ITPR2: variants seen among roughly 807,000 people sequenced by gnomAD.
The protein encoded by ITPR2 is inositol 1,4,5-trisphosphate-gated calcium channel ITPR2.
ITPR2 carries 207 observed loss-of-function variants against 317.1 expected under a neutral mutation model. That is an observed-to-expected ratio of 0.65 (90% CI 0.58 to 0.73). ITPR2 has a LOEUF of 0.73. Among genes scored for constraint, ITPR2 ranks in the 30% least tolerant of loss-of-function variants. The pLI, the probability that ITPR2 is intolerant of heterozygous loss-of-function variation, is 0.00. For missense variants in ITPR2, 2,613 were observed against 3,284.0 expected, an observed-to-expected ratio of 0.80 and a Z score of 4.99; for synonymous variants, 1,156 against 1,149.1, an observed-to-expected ratio of 1.01 and a Z score of -0.12.
chr12:26,383,460 A>G (rs1003749480), intron 55 of ITPR2, among the ~76,000 whole-genome samples: 1 of 150,492 alleles, frequency 6.6e-6, no homozygotes, highest in Non-Finnish European at 1.5e-5. Context: ...AACTTATTCT[A>G]TGTTTTTTTG....
At chr12:26,346,987 A>G (rs184217005) in intron 55 of ITPR2, among the ~76,000 whole-genome samples, 1 of 152,288 alleles carries the variant, frequency 6.6e-6, no homozygotes, top group East Asian at 1.9e-4. Context: ...TTTGGCTAGA[A>G]GCAGCCTCAA....
intron 49 of ITPR2, among the ~76,000 whole-genome samples, chr12:26,422,839 ATT>A (rs1312247382): frequency 6.6e-6 from 1 of 152,226 alleles, no homozygotes; most frequent in African/African-American, 2.4e-5. Flanking sequence ...GTAAAATGGA[ATT>A]TGTGATTTTC....
At chr12:26,393,712 T>C (rs1939914207) in intron 54 of ITPR2, among the ~76,000 whole-genome samples, 1 of 152,242 alleles carries the variant, frequency 6.6e-6, no homozygotes, top group South Asian at 2.1e-4. Flanking sequence ...AACATGAAGC[T>C]TCTAGAAAAC....
chr12:26,612,748 A>C (rs17476919), intron 26 of ITPR2, among the ~76,000 whole-genome samples: 20,547 of 152,272 alleles, frequency 0.13, 1,883 homozygotes, highest in Admixed American at 0.19. Context: ...CTTCTGAAGC[A>C]TTCCGGATTC....
rs369692913 is a variant in ITPR2, at chr12:26,600,127, G to A, written c.3679-18C>T. 144 of 1,594,628 alleles carry A rather than the reference G, an allele frequency of 9.0e-5. No homozygotes were observed. Among genetic ancestry groups the A allele is most frequent in the Non-Finnish European group, 8.8e-5 (103 of 1,167,264 alleles). ...TCATCATTCTGTAAGTTAAAGAATA[G>A]CACATGATAGAAACAAACATAGGAG... On this transcript the variant is annotated intron_variant, in intron 28 of 56. Coordinates refer to ENST00000381340, the MANE Select transcript of ITPR2 (RefSeq NM_002223.4).
intron 1 of ITPR2, among the ~76,000 whole-genome samples, chr12:26,818,255 A>C (rs1313369872): frequency 1.3e-5 from 2 of 152,202 alleles, no homozygotes; most frequent in Non-Finnish European, 2.9e-5. Context: ...GCCTCTCAGA[A>C]CTCCTATGCG....
chr12:26,606,998 T>G (rs1385164022), intron 26 of ITPR2, among the ~76,000 whole-genome samples: 1 of 152,184 alleles, frequency 6.6e-6, no homozygotes, highest in Non-Finnish European at 1.5e-5. Context: ...CCAAGGGCAA[T>G]CATGCTTTTA....
intron 6 of ITPR2, 143 bp from the exon 7 acceptor site, chr12:26,715,978 ATCCAAAAATAGCAATAACTAATC>A (rs1948733272): frequency 1.4e-6 from 1 of 729,432 alleles, no homozygotes; most frequent in African/African-American, 1.8e-5. Flanking sequence ...TTGAGAGACC[ATCCAAAAATAGCAATAACTAATC>A]ACAGCTATAT....
chr12:26,491,844 A>G (rs1260294862), intron 39 of ITPR2, among the ~76,000 whole-genome samples: 1 of 152,222 alleles, frequency 6.6e-6, no homozygotes, highest in Non-Finnish European at 1.5e-5. Flanking sequence ...CAGTGCGTGT[A>G]TGGAGAGCAA....
At chr12:26,620,002 C>T (rs1030208111) in intron 26 of ITPR2, among the ~76,000 whole-genome samples, 15 of 152,160 alleles carry the variant, frequency 9.9e-5, no homozygotes, top group Non-Finnish European at 5.9e-5. Flanking sequence ...AAAACCCATG[C>T]TAATAACCTA....
At chr12:26,589,440 G>A (rs1945627437) in intron 32 of ITPR2, among the ~76,000 whole-genome samples, 2 of 151,934 alleles carry the variant, frequency 1.3e-5, no homozygotes, top group South Asian at 4.2e-4. Flanking sequence ...AATGATGGAA[G>A]GTGGTATGAG....
intron 8 of ITPR2, among the ~76,000 whole-genome samples, chr12:26,712,293 C>T (rs888987760): frequency 4.6e-5 from 7 of 152,174 alleles, no homozygotes; most frequent in Non-Finnish European, 8.8e-5. Flanking sequence ...TTTGCTAGTA[C>T]TGACCACCCT....
At position 26,614,376 on chromosome 12, in the gene ITPR2, A is replaced by G. The variant is rs76345327; in HGVS notation, c.3462+6747T>C. 5.0e-3 allele frequency among the ~76,000 whole-genome samples: 766 copies of G among 152,280 alleles called. 3 individuals are homozygous for G. Among genetic ancestry groups the G allele is most frequent in the African/African-American group, 0.017 (714 of 41,550 alleles). On this transcript the variant is annotated intron_variant, in intron 26 of 56. Coordinates refer to ENST00000381340, the MANE Select transcript of ITPR2 (RefSeq NM_002223.4). ...AACTCCTGCCTTAAAATAGGTATAT[A>G]GGATGGGAGTAATGTGGTCTCAGGC...
intron 55 of ITPR2, among the ~76,000 whole-genome samples, chr12:26,382,840 AGTATGGATATC>A (rs1167250125): frequency 3.3e-5 from 5 of 152,344 alleles, no homozygotes; most frequent in African/African-American, 1.2e-4. Context: ...TGTTTGATAT[AGTATGGATATC>A]TGTCCCCTCC....
chr12:26,658,279 T>C (rs763198881), intron 16 of ITPR2, 149 bp from the exon 17 acceptor site: 2 of 434,336 alleles, frequency 4.6e-6, no homozygotes, highest in East Asian at 3.9e-5. Context: ...GTGTTGTTTA[T>C]CTACTGCATC....
intron 45 of ITPR2, among the ~76,000 whole-genome samples, chr12:26,454,045 C>CGGAT (rs1387149953): frequency 2.0e-5 from 3 of 151,462 alleles, no homozygotes; most frequent in Admixed American, 6.6e-5. Flanking sequence ...GATGGATGGA[C>CGGAT]GGATGGATGG....
chr12:26,341,970 G>C (rs1047592036), intron 55 of ITPR2, among the ~76,000 whole-genome samples: 6 of 152,230 alleles, frequency 3.9e-5, no homozygotes, highest in African/African-American at 1.4e-4. Context: ...GAAGACAGTG[G>C]CTGGGTAGGG....
chr12:26,677,337 C>T (rs907526181), intron 13 of ITPR2, among the ~76,000 whole-genome samples: 4 of 152,162 alleles, frequency 2.6e-5, no homozygotes, highest in African/African-American at 4.8e-5. Context: ...CGGTGGCTCA[C>T]GTCTGTAATC....
chr12:26,716,314 A>T, intron 5 of ITPR2, 72 bp from the exon 6 acceptor site: 1 of 918,542 alleles, frequency 1.1e-6, no homozygotes, highest in Admixed American at 1.9e-5. Flanking sequence ...GCTAGAAATA[A>T]CTGCACAGGA....
Sources: gnomAD v4.1 joint callset for allele counts (sites outside exome capture counted in the v4.1 genomes callset) on GRCh38, gnomAD v4.1.1 for gene constraint, MANE v1.5 for transcripts, NCBI Gene and HGNC (gene_info 2026-07-23, HGNC 2026-07-21) for gene names.